ZNF324B: variants seen among roughly 807,000 people sequenced by gnomAD.
ZNF324B encodes the protein zinc finger protein 324B.
Under a neutral mutation model 10.6 loss-of-function variants are expected in ZNF324B, and 7 were observed. That is an observed-to-expected ratio of 0.66 (90% CI 0.38 to 1.24). The LOEUF (loss-of-function observed/expected upper bound fraction) is 1.24. Ranked by LOEUF, ZNF324B falls within the 50% of genes most tolerant of loss-of-function variation. The probability of loss-of-function intolerance (pLI) is 0.02; values close to 1 mark genes in which losing one functional copy is unlikely to be tolerated. For missense variants in ZNF324B, 640 were observed against 764.7 expected (o/e 0.84, Z 1.92); for synonymous variants, 316 against 321.0 (o/e 0.98, Z 0.17).
the ZNF324B span, among the ~76,000 whole-genome samples, chr19:58,420,008 G>A: frequency 2.6e-5 from 4 of 152,288 alleles, no homozygotes; most frequent in South Asian, 4.1e-4. Flanking sequence ...TAGGCTGGGC[G>A]TGGTGGTCGA....
At chr19:58,449,034 G>T (rs2052839390), upstream of ZNF324B, among the ~76,000 whole-genome samples, 1 of 152,202 alleles carries the variant, frequency 6.6e-6, no homozygotes, top group Admixed American at 6.5e-5. Context: ...CAGAGGCCTA[G>T]GAGGAAAAAA....
chr19:58,424,056 A>AT, the ZNF324B span, among the ~76,000 whole-genome samples: 2 of 150,598 alleles, frequency 1.3e-5, no homozygotes, highest in African/African-American at 4.9e-5. Context: ...CTTGACTCAC[A>AT]TGGTGAAACC....
At chr19:58,434,013 A>G in the ZNF324B span, 1 of 1,614,004 alleles carries the variant, frequency 6.2e-7, no homozygotes, top group South Asian at 1.1e-5. Flanking sequence ...GAACTTTCTG[A>G]TGTCGAAGGA....
chr19:58,447,283 T>G (rs1449535871), upstream of ZNF324B, among the ~76,000 whole-genome samples: 1 of 152,176 alleles, frequency 6.6e-6, no homozygotes, highest in Non-Finnish European at 1.5e-5. Flanking sequence ...TGGCCGACAA[T>G]GCAGGAGCTT....
the ZNF324B span, chr19:58,439,877 G>A: frequency 6.6e-7 from 1 of 1,515,718 alleles, no homozygotes; most frequent in Non-Finnish European, 8.9e-7. Flanking sequence ...ACTTCCGCTG[G>A]GTGACGGTCG....
At chr19:58,436,667 C>CAAAAA in the ZNF324B span, among the ~76,000 whole-genome samples, 7 of 65,538 alleles carry the variant, frequency 1.1e-4, no homozygotes, top group East Asian at 6.2e-4. Flanking sequence ...GACTCCATCT[C>CAAAAA]AAAAAAAAAA....
In ZNF324B at chr19:58,455,296, A is replaced by AGT. The variant is rs764057171; in HGVS notation, c.355_356dup (p.Lys120Ter). On this transcript the variant is annotated frameshift_variant, in exon 4 of 4. Transcript: ENST00000336614. LOFTEE classifies it low-confidence loss of function (END_TRUNC). This position sits in a 1 kb window ranked among gnomAD's most constrained non-coding sequence, Gnocchi z 7.0. ...CTTCCCAGTTGCCGATGCCTGCCACAGTGTAAAAAGCCTGCAGCGACAACC... is the reference window on the plus strand; with the variant it reads ...CTTCCCAGTTGCCGATGCCTGCCACAGTGTGTAAAAAGCCTGCAGCGACAACC... 2.5e-6 allele frequency: 4 copies of AGT among 1,614,188 alleles called. No individual in the cohort carries two copies. The African/African-American group carries it at 5.3e-5, about 22-fold the overall frequency.
rs149597331 is a variant in ZNF324B, at chr19:58,455,650, G to A, written c.706G>A (p.Gly236Ser). ...AAWQEPHRLL[G>S]GQEPSTWDEL... ...TTGGCAGGAGCCTCATAGACTCCTC[G>A]GTGGCCAGGAGCCCTCGACCTGGGA... Residue 236 changes from glycine to serine, a missense_variant, in exon 4 of 4, where the codon GGT becomes AGT. Coordinates refer to ENST00000336614, the MANE Select transcript of ZNF324B (RefSeq NM_207395.3). This position sits in a 1 kb window ranked among gnomAD's most constrained non-coding sequence, Gnocchi z 7.0. 1,121 of 1,613,666 alleles carry A rather than the reference G, an allele frequency of 6.9e-4. 5 individuals are homozygous for A. Among genetic ancestry groups the A allele is most frequent in the Non-Finnish European group, 1.2e-4 (137 of 1,179,904 alleles).
chr19:58,433,742 C>A, the ZNF324B span: 10 of 1,614,020 alleles, frequency 6.2e-6, no homozygotes, highest in South Asian at 6.6e-5. Flanking sequence ...TAAGGCCTTT[C>A]TTTTGTGTGA....
At chr19:58,440,810 G>A in the ZNF324B span, 1 of 152,254 alleles carries the variant, frequency 6.6e-6, no homozygotes, top group Non-Finnish European at 1.5e-5. Context: ...GGAGCGCGAG[G>A]CCGAGGCCAA....
intron 1 of ZNF324B, chr19:58,452,237 A>G (rs142716560): frequency 0.04 from 5,850 of 147,568 alleles, 107 homozygotes; most frequent in Non-Finnish European, 0.045. Context: ...CGAAGCCCAG[A>G]TGCTTCTGGG....
chr19:58,453,468 G>A (rs1416460056), intron 1 of ZNF324B, among the ~76,000 whole-genome samples: 1 of 152,216 alleles, frequency 6.6e-6, no homozygotes, highest in Non-Finnish European at 1.5e-5. Flanking sequence ...TAGCCTGCTT[G>A]TGTAGGGGTG....
chr19:58,433,945 G>A, the ZNF324B span: 2 of 1,614,144 alleles, frequency 1.2e-6, no homozygotes, highest in African/African-American at 1.3e-5. Flanking sequence ...GATGAGGGTG[G>A]AGCTATTACT....
chr19:58,435,722 A>G, the ZNF324B span: 2,321 of 156,748 alleles, frequency 0.015, 59 homozygotes, highest in African/African-American at 0.053. Flanking sequence ...AGAGCTACAC[A>G]AGAGAACTAA....
rs1417000829 is a variant in ZNF324B at position 58,456,176 on chromosome 19, C to T, written c.1232C>T (p.Ser411Leu). 1 of 1,613,206 alleles carries T rather than the reference C, an allele frequency of 6.2e-7. No individual in the cohort carries two copies. The highest frequency in any genetic ancestry group is 8.5e-7 in the Non-Finnish European group (1 of 1,179,776). ...GGTGCTGCCTTCAGCCAGGGCTCCT[C>T]GCTCTTTTTGCACCAGCGCGTGCAC... ...LCGAAFSQGS[S>L]LFLHQRVHTG... The change falls in exon 4 of 4, where the codon TCG becomes TTG. Residue 411 changes from serine to leucine, a missense_variant. Ser to Leu is a moderately radical substitution (Grantham distance 145). Transcript: ENST00000336614. The surrounding 1 kb of genome is among the most constrained non-coding windows in gnomAD (Gnocchi z 4.7).
In ZNF324B at chr19:58,451,683, C is replaced by A. The variant is rs1476871367; in HGVS notation, c.-28C>A. On this transcript the variant is annotated 5_prime_UTR_variant, in exon 1 of 4. Transcript: ENST00000336614. ...CTGGGCTGTGGCGCGCGGGTCGGGG[C>A]CCGAGGCGGGCGGCCAGGAAGGTAC... 2.0e-6 allele frequency: 1 copy of A among 501,216 alleles called. No homozygotes were observed. Among genetic ancestry groups the A allele is most frequent in the African/African-American group, 2.0e-5 (1 of 49,780 alleles). 31.0% of individuals were successfully genotyped at this position (501,216 alleles called of 1,614,324 possible). A position where few individuals can be genotyped will look rare whatever the true frequency, so the allele number is the denominator to read the frequency against.
At chr19:58,426,230 C>G in the ZNF324B span, among the ~76,000 whole-genome samples, 1 of 152,130 alleles carries the variant, frequency 6.6e-6, no homozygotes, top group Non-Finnish European at 1.5e-5. Context: ...AGAGGCGAGT[C>G]TGGAAATGTC....
At chr19:58,419,762 C>T in the ZNF324B span, among the ~76,000 whole-genome samples, 1 of 152,140 alleles carries the variant, frequency 6.6e-6, no homozygotes, top group Non-Finnish European at 1.5e-5. Context: ...CAGGGCTTTC[C>T]CTCTGGGGCT....
At chr19:58,450,985 C>T (rs188878962), upstream of ZNF324B, among the ~76,000 whole-genome samples, 1 of 152,194 alleles carries the variant, frequency 6.6e-6, no homozygotes, top group Non-Finnish European at 1.5e-5. Flanking sequence ...ACCTTCTGCT[C>T]GTCCAAGTTA....
Sources: gnomAD v4.1 joint callset for allele counts (sites outside exome capture counted in the v4.1 genomes callset) on GRCh38, gnomAD v4.1.1 for gene constraint, Gnocchi (gnomAD v3.1) non-coding constraint, MANE v1.5 for transcripts, NCBI Gene and HGNC (gene_info 2026-07-23, HGNC 2026-07-21) for gene names.